RBFOX1: variants seen among roughly 807,000 people sequenced by gnomAD.
The protein encoded by RBFOX1 is RNA binding protein fox-1 homolog 1.
In RBFOX1, 8 loss-of-function variants were observed where a neutral mutation model predicts 57.7. The ratio of observed to expected loss-of-function variants is 0.14; its 90% CI spans 0.08 to 0.25. The LOEUF (loss-of-function observed/expected upper bound fraction) is 0.25. RBFOX1 is among the 10% of genes least tolerant of loss of function. The pLI is 1.00. For missense variants in RBFOX1, 611 were observed against 548.5 expected (o/e 1.11, Z -1.14); for synonymous variants, 326 against 222.4 (o/e 1.47, Z -4.15).
chr16:7,403,188 T>C (rs2098273578), intron 4 of RBFOX1, among the ~76,000 whole-genome samples: 1 of 152,202 alleles, frequency 6.6e-6, no homozygotes, highest in South Asian at 2.1e-4. Flanking sequence ...TGACCACCAC[T>C]CTGAATCCAG....
intron 3 of RBFOX1, among the ~76,000 whole-genome samples, chr16:6,994,881 C>A (rs572586022): frequency 2.0e-5 from 3 of 151,992 alleles, no homozygotes; most frequent in East Asian, 3.9e-4. Flanking sequence ...AACAAAATTC[C>A]AAATTAACTT....
chr16:6,959,281 G>C (rs766047351), intron 3 of RBFOX1, among the ~76,000 whole-genome samples: 8 of 152,124 alleles, frequency 5.3e-5, no homozygotes, highest in Non-Finnish European at 1.0e-4. Context: ...TATGTGGAGG[G>C]AGCCAGTACA....
intron 3 of RBFOX1, among the ~76,000 whole-genome samples, chr16:6,914,177 GATC>G (rs1343131835): frequency 6.6e-6 from 1 of 152,150 alleles, no homozygotes; most frequent in Non-Finnish European, 1.5e-5. Context: ...TTTCAGACCA[GATC>G]ATCATTTCCT....
chr16:7,396,550 C>T (rs575894927), intron 4 of RBFOX1, among the ~76,000 whole-genome samples: 27 of 152,132 alleles, frequency 1.8e-4, no homozygotes, highest in Non-Finnish European at 3.1e-4. Flanking sequence ...GCGGACCTCA[C>T]GTGCTGAGTT....
chr16:5,787,103 C>T (rs12446040), intron 3 of RBFOX1, among the ~76,000 whole-genome samples: 19,406 of 152,144 alleles, frequency 0.13, 1,816 homozygotes, highest in East Asian at 0.39. Flanking sequence ...CACTGCATTC[C>T]AGCCTGGGAA....
chr16:7,564,275 C>T (rs553085032), intron 5 of RBFOX1, among the ~76,000 whole-genome samples: 1 of 152,228 alleles, frequency 6.6e-6, no homozygotes, highest in African/African-American at 2.4e-5. Flanking sequence ...CGTGGTGGCT[C>T]ACCCCTGTAA....
intron 3 of RBFOX1, among the ~76,000 whole-genome samples, chr16:6,850,309 A>G (rs2093995261): frequency 6.6e-6 from 1 of 152,226 alleles, no homozygotes; most frequent in Non-Finnish European, 1.5e-5. Context: ...GACAGGTACG[A>G]TGAAAGAATA....
chr16:7,227,407 A>G (rs2093206889), intron 4 of RBFOX1, among the ~76,000 whole-genome samples: 1 of 151,244 alleles, frequency 6.6e-6, no homozygotes, highest in African/African-American at 2.4e-5. Flanking sequence ...CAACTCCACA[A>G]TGCAGGAATT....
chr16:7,379,669 T>G (rs779812968), intron 4 of RBFOX1, among the ~76,000 whole-genome samples: 14 of 152,122 alleles, frequency 9.2e-5, no homozygotes, highest in Non-Finnish European at 1.2e-4. Flanking sequence ...ACAGGGTATT[T>G]AGCCACACTG....
At chr16:5,694,028 G>A (rs944042676) in intron 3 of RBFOX1, among the ~76,000 whole-genome samples, 2 of 152,194 alleles carry the variant, frequency 1.3e-5, no homozygotes, top group African/African-American at 4.8e-5. Context: ...TCAGAGTAAA[G>A]TACAGAGTAA....
At chr16:6,603,935 G>A (rs953322459) in intron 2 of RBFOX1, among the ~76,000 whole-genome samples, 1 of 146,438 alleles carries the variant, frequency 6.8e-6, no homozygotes, top group South Asian at 2.3e-4. Context: ...GGGCTGTTCA[G>A]TGAAGTTGGT....
At chr16:5,390,298 T>TA (rs1567435888) in intron 1 of RBFOX1, among the ~76,000 whole-genome samples, 1 of 151,262 alleles carries the variant, frequency 6.6e-6, no homozygotes, top group African/African-American at 2.4e-5. Context: ...TTTCTTTTTT[T>TA]TTTTTTTTTA....
chr16:7,365,064 A>G (rs562516718), intron 4 of RBFOX1, among the ~76,000 whole-genome samples: 3 of 152,272 alleles, frequency 2.0e-5, no homozygotes, highest in Admixed American at 6.5e-5. Flanking sequence ...TCATCTATCT[A>G]TCATTCGTCT....
At chr16:5,698,773 G>C (rs1006117743) in intron 3 of RBFOX1, among the ~76,000 whole-genome samples, 1 of 152,134 alleles carries the variant, frequency 6.6e-6, no homozygotes, top group Non-Finnish European at 1.5e-5. Flanking sequence ...TTTATGAAAA[G>C]GAATGAGGTA....
At chr16:5,383,447 C>T (rs944857994) in intron 1 of RBFOX1, among the ~76,000 whole-genome samples, 1 of 152,170 alleles carries the variant, frequency 6.6e-6, no homozygotes, top group South Asian at 2.1e-4. Flanking sequence ...GTCTGTTAGG[C>T]CTGGTTAGTT....
intron 4 of RBFOX1, among the ~76,000 whole-genome samples, chr16:7,298,586 C>G (rs982071768): frequency 2.0e-5 from 3 of 152,046 alleles, no homozygotes; most frequent in Non-Finnish European, 4.4e-5. Context: ...GCCAACATGC[C>G]CAGCCCAAAA....
intron 4 of RBFOX1, among the ~76,000 whole-genome samples, chr16:7,162,879 C>T (rs1053229295): frequency 1.3e-5 from 2 of 152,100 alleles, no homozygotes; most frequent in Admixed American, 6.5e-5. Flanking sequence ...TGGGGTATTC[C>T]CTGGTCCTCC....
At chr16:5,241,207 T>G (rs1383351305) in intron 1 of RBFOX1, among the ~76,000 whole-genome samples, 1 of 152,164 alleles carries the variant, frequency 6.6e-6, no homozygotes, top group Non-Finnish European at 1.5e-5. Flanking sequence ...GTGGGAGGCT[T>G]GCTCCTGGTG....
intron 3 of RBFOX1, among the ~76,000 whole-genome samples, chr16:6,764,764 C>G (rs573267746): frequency 2.0e-5 from 3 of 152,164 alleles, no homozygotes; most frequent in South Asian, 2.1e-4. Flanking sequence ...TGGTGAAACC[C>G]TGTCTCTACC....
Sources: gnomAD v4.1 joint callset for allele counts (sites outside exome capture counted in the v4.1 genomes callset) on GRCh38, gnomAD v4.1.1 for gene constraint, MANE v1.5 for transcripts, NCBI Gene and HGNC (gene_info 2026-07-23, HGNC 2026-07-21) for gene names.